Variants in COL24A1 observed in about 807,000 individuals in gnomAD.
COL24A1 encodes the protein collagen alpha-1(XXIV) chain.
In COL24A1, 224 loss-of-function variants were observed where a neutral mutation model predicts 253.9. That is an observed-to-expected ratio of 0.88 (90% CI 0.79 to 0.99). The LOEUF (loss-of-function observed/expected upper bound fraction) is 0.99. COL24A1 is among the 50% of genes least tolerant of loss of function. COL24A1 has a pLI of 0.00. For synonymous variants in COL24A1, 685 were observed against 673.7 expected (o/e 1.02, Z -0.26); for missense variants, 2,131 against 2,068.5 (o/e 1.03, Z -0.59).
At chr1:86,037,591 T>C (rs1383463178) in intron 12 of COL24A1, among the ~76,000 whole-genome samples, 1 of 152,152 alleles carries the variant, frequency 6.6e-6, no homozygotes, top group Non-Finnish European at 1.5e-5. Flanking sequence ...AGTCTGGAAA[T>C]GAACTTTACC....
At chr1:85,870,611 G>A (rs1680351494) in intron 35 of COL24A1, among the ~76,000 whole-genome samples, 1 of 152,154 alleles carries the variant, frequency 6.6e-6, no homozygotes, top group South Asian at 2.1e-4. Context: ...GGTACATAAC[G>A]AAATGAAGGC....
chr1:85,857,843 A>G (rs1678631282), intron 37 of COL24A1, among the ~76,000 whole-genome samples: 1 of 152,160 alleles, frequency 6.6e-6, no homozygotes, highest in South Asian at 2.1e-4. Context: ...CTAATCAGTA[A>G]GTAGGAGCTT....
intron 53 of COL24A1, among the ~76,000 whole-genome samples, chr1:85,771,778 T>TTTATTTA (rs1558060760): frequency 0.012 from 1,711 of 146,666 alleles, 19 homozygotes; most frequent in South Asian, 0.047. Flanking sequence ...TGCCTGACTT[T>TTTATTTA]TTTATTTATT....
In COL24A1 at chr1:86,063,723, C is replaced by A; in HGVS notation, c.1744G>T (p.Gly582Cys). The A allele has an allele frequency of 6.4e-7, 1 of 1,552,042 alleles. No homozygotes were observed. Among genetic ancestry groups the A allele is most frequent in the Non-Finnish European group, 8.7e-7 (1 of 1,148,440 alleles). ...ATAAAGGAAGTACCTACTTGTTCAC[C>A]TGGAAGTCCTGGGAGTCCAGGATGT... ...KGHPGLPGLP[G>C]EQGIPGFAGN... Residue 582 changes from glycine to cysteine, a missense_variant, in exon 8 of 60, where the codon GGT (glycine) becomes TGT (cysteine). Transcript: ENST00000370571.
intron 23 of COL24A1, among the ~76,000 whole-genome samples, chr1:85,964,179 G>C (rs528950080): frequency 1.3e-5 from 2 of 152,162 alleles, no homozygotes; most frequent in South Asian, 4.2e-4. Context: ...TCAATTCATA[G>C]TTAAATTTTC....
intron 7 of COL24A1, among the ~76,000 whole-genome samples, chr1:86,067,185 T>C (rs995171076): frequency 6.7e-6 from 1 of 149,926 alleles, no homozygotes; most frequent in Non-Finnish European, 1.5e-5. Context: ...CTTGGAGACA[T>C]AGGAAGGAAG....
chr1:86,143,446 GA>G (rs1651438109), intron 2 of COL24A1, among the ~76,000 whole-genome samples: 1 of 151,682 alleles, frequency 6.6e-6, no homozygotes, highest in African/African-American at 2.4e-5. Context: ...TAATTCACAA[GA>G]AAAAAATATA....
At chr1:85,742,159 A>T (rs1418015942) in intron 57 of COL24A1, among the ~76,000 whole-genome samples, 1 of 142,524 alleles carries the variant, frequency 7.0e-6, no homozygotes, top group African/African-American at 2.6e-5. Flanking sequence ...TTTGAGACAG[A>T]GTCTCACTCT....
At chr1:85,919,835 G>T (rs1571218671) in intron 24 of COL24A1, among the ~76,000 whole-genome samples, 1 of 152,120 alleles carries the variant, frequency 6.6e-6, no homozygotes. Context: ...AAAATATTTA[G>T]GTTTACTTAT....
chr1:85,844,719 A>G lies in COL24A1; in HGVS notation c.3463-2326T>C, dbSNP rs1413229988. Among the ~76,000 whole-genome samples the G allele has an allele frequency of 1.6e-4, 24 of 152,014 alleles. 1 individual carries two copies. Among genetic ancestry groups the G allele is most frequent in the Admixed American group, 1.6e-3 (24 of 15,268 alleles). ...TAGTCATTTCAAGTTTCACTTACTAAATATGAAAATCTAGTTGAAATTGAT... is the reference window on the plus strand; with the variant it reads ...TAGTCATTTCAAGTTTCACTTACTAGATATGAAAATCTAGTTGAAATTGAT... On this transcript the variant is annotated intron_variant, in intron 39 of 59. Coordinates refer to ENST00000370571, the MANE Select transcript of COL24A1 (RefSeq NM_152890.7).
At chr1:86,013,322 A>G (rs933428881) in intron 19 of COL24A1, among the ~76,000 whole-genome samples, 5 of 152,242 alleles carry the variant, frequency 3.3e-5, no homozygotes, top group African/African-American at 1.2e-4. Flanking sequence ...TGTAACATCC[A>G]TCTATACTGA....
intron 24 of COL24A1, among the ~76,000 whole-genome samples, chr1:85,956,215 T>A (rs1209745830): frequency 1.3e-5 from 2 of 152,244 alleles, no homozygotes; most frequent in Non-Finnish European, 2.9e-5. Context: ...ATAAGAGTTG[T>A]TTAAAGACTA....
intron 29 of COL24A1, 45 bp from the exon 30 acceptor site, chr1:85,896,110 A>G (rs1683672247): frequency 6.3e-7 from 1 of 1,587,644 alleles, no homozygotes; most frequent in Non-Finnish European, 8.6e-7. Context: ...AATGTGAATT[A>G]TGGTCTTACT....
At chr1:86,143,914 A>G (rs1414214980) in intron 2 of COL24A1, among the ~76,000 whole-genome samples, 1 of 152,154 alleles carries the variant, frequency 6.6e-6, no homozygotes, top group African/African-American at 2.4e-5. Flanking sequence ...ATTAATATAA[A>G]TAATATCTGT....
intron 45 of COL24A1, among the ~76,000 whole-genome samples, chr1:85,818,489 C>A (rs1673270323): frequency 6.6e-6 from 1 of 152,130 alleles, no homozygotes; most frequent in South Asian, 2.1e-4. Flanking sequence ...AAGGCAAAGG[C>A]AAAGTTCCTC....
chr1:85,847,794 G>C (rs374915448), intron 38 of COL24A1, 22 bp from the exon 39 acceptor site: 5 of 1,550,736 alleles, frequency 3.2e-6, no homozygotes, highest in East Asian at 2.2e-5. Context: ...ATTATTAAGA[G>C]AGAAAAGCAA....
intron 28 of COL24A1, among the ~76,000 whole-genome samples, chr1:85,905,169 G>T (rs912199802): frequency 4.6e-5 from 7 of 152,156 alleles, no homozygotes; most frequent in Non-Finnish European, 1.0e-4. Context: ...TCCACAAAGA[G>T]ATTACAGGTA....
intron 28 of COL24A1, among the ~76,000 whole-genome samples, chr1:85,904,281 T>A (rs1330848582): frequency 2.0e-5 from 3 of 152,154 alleles, no homozygotes; most frequent in Non-Finnish European, 4.4e-5. Context: ...TGCCAATTCA[T>A]AATCAAGAAA....
intron 55 of COL24A1, among the ~76,000 whole-genome samples, chr1:85,746,798 G>A (rs1415846441): frequency 1.3e-5 from 2 of 152,150 alleles, no homozygotes; most frequent in Admixed American, 6.5e-5. Context: ...AGCAAAGAGG[G>A]TAAACCTAAA....
Sources: allele counts gnomAD v4.1 joint callset (sites outside exome capture counted in the v4.1 genomes callset), GRCh38; gene constraint gnomAD v4.1.1; transcripts MANE v1.5; gene names NCBI Gene and HGNC (gene_info 2026-07-23, HGNC 2026-07-21).